Variants in LCN10 observed in about 807,000 individuals in gnomAD.
The protein encoded by LCN10 is lipocalin 10, also known as epididymal-specific lipocalin-10.
Under a neutral mutation model 25.1 loss-of-function variants are expected in LCN10, and 18 were observed. That is an observed-to-expected ratio of 0.72 (90% CI 0.50 to 1.06). The LOEUF (loss-of-function observed/expected upper bound fraction) is 1.06. LCN10 is among the 50% of genes least tolerant of loss of function. The pLI is 0.00. For missense variants in LCN10, 257 were observed against 258.9 expected (o/e 0.99, Z 0.05); for synonymous variants, 130 against 116.7 (o/e 1.11, Z -0.73).
Position 136,740,517 on chromosome 9 carries a change from C to T in LCN10, c.475+319G>A. The T allele has an allele frequency of 2.1e-6, 1 of 472,436 alleles. No homozygotes were observed. The highest frequency in any genetic ancestry group is 3.5e-5 in the East Asian group (1 of 28,982). 29.3% of individuals were successfully genotyped at this position (472,436 alleles called of 1,614,324 possible). The stretch of plus-strand genomic sequence containing the variant: ...GGGCAGACCCTTACCTGGGACCCCT[C>T]CCACGCCTCCTCATCCCCACTGTGT... On this transcript the variant is annotated intron_variant, in intron 4 of 5. Coordinates refer to ENST00000497771, the MANE Select transcript of LCN10 (RefSeq NM_001001712.3). This position sits in a 1 kb window ranked among gnomAD's most constrained non-coding sequence, Gnocchi z 5.3.
In LCN10 at chr9:136,741,491, G is replaced by C. The variant is rs140074954; in HGVS notation, c.258-130C>G. On this transcript the variant is annotated intron_variant, in intron 2 of 5. Transcript: ENST00000497771. ...GGGACCCGGGAAGGTTGGGGCCCCAGGTCCCCAGTTTTTTGCTTCACTATC... is the reference window on the plus strand; with the variant it reads ...GGGACCCGGGAAGGTTGGGGCCCCACGTCCCCAGTTTTTTGCTTCACTATC... 1.5e-3 allele frequency: 1,024 copies of C among 692,654 alleles called. 5 individuals carry two copies. The African/African-American group carries it at 0.017, about 11-fold the overall frequency. 42.9% of individuals were successfully genotyped at this position (692,654 alleles called of 1,614,324 possible). A position where few individuals can be genotyped will look rare whatever the true frequency, so the allele number is the denominator to read the frequency against.
Position 136,740,800 on chromosome 9 carries a change from C to T in LCN10, c.475+36G>A. 1 of 1,557,824 alleles carries T rather than the reference C, an allele frequency of 6.4e-7. No individual in the cohort carries two copies. ...CCCTCTATGCCTCCCTCTGCACCCC[C>T]TCCACCATCCTCTGCCATCCGCTGT... On this transcript the variant is annotated intron_variant, in intron 4 of 5. Coordinates refer to ENST00000497771, the MANE Select transcript of LCN10 (RefSeq NM_001001712.3). This position sits in a 1 kb window ranked among gnomAD's most constrained non-coding sequence, Gnocchi z 5.3.
Position 136,741,372 on chromosome 9 carries a change from G to A in LCN10, c.258-11C>T, listed in dbSNP as rs767743267. On this transcript the variant is annotated splice_polypyrimidine_tract_variant and intron_variant, in intron 2 of 5. Transcript: ENST00000497771. ...TGGCACCCCTTCAACCTGGGGCCAA[G>A]GCGGGGGCTCAGGCTGCAGACCAGG... The A allele has an allele frequency of 5.0e-6, 8 of 1,599,114 alleles. No homozygotes were observed. The South Asian group carries it at 8.8e-5, about 18-fold the overall frequency.
chr9:136,740,155 C>T lies in LCN10; in HGVS notation c.476-107G>A, dbSNP rs1361248087. ...AGGAGCTGCTGAAATGTCCTCAGAG[C>T]TTAGGCGTGAAGCAGGGGTTGGCCA... On this transcript the variant is annotated intron_variant, in intron 4 of 5. Coordinates refer to ENST00000497771, the MANE Select transcript of LCN10 (RefSeq NM_001001712.3). This position sits in a 1 kb window ranked among gnomAD's most constrained non-coding sequence, Gnocchi z 5.3. 1 of 805,334 alleles carries T rather than the reference C, an allele frequency of 1.2e-6. No individual in the cohort carries two copies. Among genetic ancestry groups the T allele is most frequent in the East Asian group, 2.7e-5 (1 of 37,098 alleles). 49.9% of individuals were successfully genotyped at this position (805,334 alleles called of 1,614,324 possible). A position where few individuals can be genotyped will look rare whatever the true frequency, so the allele number is the denominator to read the frequency against.
chr9:136,742,357 C>G (rs1410609619), intron 1 of LCN10: 2 of 397,448 alleles, frequency 5.0e-6, no homozygotes, highest in Admixed American at 8.2e-5. Context: ...TTCCTGCCGG[C>G]CCCCGGCCCC....
Position 136,739,633 on chromosome 9 carries a change from G to T in LCN10, c.575-80C>A, listed in dbSNP as rs1846891423. The T allele has an allele frequency of 2.2e-6, 3 of 1,369,900 alleles. No homozygotes were observed. The highest frequency in any genetic ancestry group is 3.1e-6 in the Non-Finnish European group (3 of 982,220). The allele number at this position is 1,369,900 out of a possible 1,614,324, so 84.9% of individuals were successfully genotyped here. A position where few individuals can be genotyped will look rare whatever the true frequency, so the allele number is the denominator to read the frequency against. On this transcript the variant is annotated intron_variant, in intron 5 of 5. Transcript: ENST00000497771. This position sits in a 1 kb window ranked among gnomAD's most constrained non-coding sequence, Gnocchi z 6.1. ...AGCCGTGAACACGTCTCCCCCGGCC[G>T]CTCCCTGGTTCCATGCGTGCTCGTC...
At chr9:136,741,090 C>G (rs1157812788) in intron 3 of LCN10, 147 bp from the exon 4 acceptor site, 5 of 998,632 alleles carry the variant, frequency 5.0e-6, no homozygotes, top group Non-Finnish European at 7.5e-6. Context: ...GGGGCCTCCC[C>G]TCCCGGGCCA....
Position 136,740,605 on chromosome 9 carries a change from T to C in LCN10, c.475+231A>G. ...CCTGGTGGCCTCCGCTCCCCCTGGATGGCCCACCTTTCTCTGCAGCCTCTT... is the reference window on the plus strand; with the variant it reads ...CCTGGTGGCCTCCGCTCCCCCTGGACGGCCCACCTTTCTCTGCAGCCTCTT... On this transcript the variant is annotated intron_variant, in intron 4 of 5. Coordinates refer to ENST00000497771, the MANE Select transcript of LCN10 (RefSeq NM_001001712.3). This position sits in a 1 kb window ranked among gnomAD's most constrained non-coding sequence, Gnocchi z 5.3. 1.8e-6 allele frequency: 1 copy of C among 551,698 alleles called. No homozygotes were observed. Among genetic ancestry groups the C allele is most frequent in the Non-Finnish European group, 3.2e-6 (1 of 309,974 alleles). The allele number at this position is 551,698 out of a possible 1,614,324, so 34.2% of individuals were successfully genotyped here. A position where few individuals can be genotyped will look rare whatever the true frequency, so the allele number is the denominator to read the frequency against.
rs918757345 is a variant in LCN10, at chr9:136,740,347, C to T, written c.476-299G>A. On this transcript the variant is annotated intron_variant, in intron 4 of 5. Transcript: ENST00000497771. This position sits in a 1 kb window ranked among gnomAD's most constrained non-coding sequence, Gnocchi z 5.3. ...GCTGCACCCTGAGCGTGCCCTGCCT[C>T]GACTGAGACCCCAGGACCCCACCTC... The T allele has an allele frequency of 3.5e-5, 17 of 488,110 alleles. No homozygotes were observed. Among genetic ancestry groups the T allele is most frequent in the African/African-American group, 2.3e-4 (12 of 51,552 alleles). The allele number at this position is 488,110 out of a possible 1,614,324, so 30.2% of individuals were successfully genotyped here. A position where few individuals can be genotyped will look rare whatever the true frequency, so the allele number is the denominator to read the frequency against.
intron 1 of LCN10, chr9:136,742,552 C>T (rs1233061031): frequency 1.0e-5 from 6 of 578,872 alleles, no homozygotes; most frequent in Non-Finnish European, 3.0e-6. Context: ...GCCCCTCCAC[C>T]CTGGCCCTCC....
intron 1 of LCN10, chr9:136,742,295 G>A (rs560804350): frequency 3.7e-5 from 18 of 485,816 alleles, no homozygotes; most frequent in East Asian, 7.3e-5. Flanking sequence ...CAGAGGCCCC[G>A]GCTCCTTCCC....
In LCN10 at chr9:136,740,694, A is replaced by G. The variant is rs1027715715; in HGVS notation, c.475+142T>C. 9.7e-6 allele frequency: 6 copies of G among 616,776 alleles called. No individual in the cohort carries two copies. Among genetic ancestry groups the G allele is most frequent in the Admixed American group, 2.9e-5 (1 of 34,564 alleles). The allele number at this position is 616,776 out of a possible 1,614,324, so 38.2% of individuals were successfully genotyped here. Reference sequence around the variant, plus strand: ...CCTGACTGCTGTGGTCTCGGCTTCCATTGCCCCTGCCCTGACCACCGCCCC... The same window carrying G: ...CCTGACTGCTGTGGTCTCGGCTTCCGTTGCCCCTGCCCTGACCACCGCCCC... On this transcript the variant is annotated intron_variant, in intron 4 of 5. Coordinates refer to ENST00000497771, the MANE Select transcript of LCN10 (RefSeq NM_001001712.3). This position sits in a 1 kb window ranked among gnomAD's most constrained non-coding sequence, Gnocchi z 5.3.
At chr9:136,742,462 G>T (rs1044623445) in intron 1 of LCN10, 65 of 436,982 alleles carry the variant, frequency 1.5e-4, no homozygotes, top group Non-Finnish European at 2.5e-4. Context: ...GGGCCCTCCC[G>T]CTACAGAATA....
chr9:136,739,821 G>T lies in LCN10; in HGVS notation c.574+129C>A. 1 of 909,880 alleles carries T rather than the reference G, an allele frequency of 1.1e-6. No individual in the cohort carries two copies. Among genetic ancestry groups the T allele is most frequent in the Non-Finnish European group, 1.8e-6 (1 of 567,032 alleles). 56.4% of individuals were successfully genotyped at this position (909,880 alleles called of 1,614,324 possible). ...AGGGGCGGCAGGAGGTGGGAGGCAC[G>T]TTTGGGCGGATCTTTCAAATGGCAC... On this transcript the variant is annotated intron_variant, in intron 5 of 5. Coordinates refer to ENST00000497771, the MANE Select transcript of LCN10 (RefSeq NM_001001712.3). This position sits in a 1 kb window ranked among gnomAD's most constrained non-coding sequence, Gnocchi z 6.1.
rs114525382 is a variant in LCN10, at chr9:136,739,538, G to C, written c.590C>G (p.Thr197Ser). The C allele has an allele frequency of 1.2e-6, 2 of 1,600,956 alleles. No homozygotes were observed. The highest frequency in any genetic ancestry group is 1.3e-5 in the African/African-American group (1 of 74,850). Residue 197 changes from threonine (T) to serine (S), a missense_variant, in exon 6 of 6, where the codon ACC becomes AGC. Thr to Ser is a moderately conservative substitution (Grantham distance 58). Transcript: ENST00000497771. This position sits in a 1 kb window ranked among gnomAD's most constrained non-coding sequence, Gnocchi z 6.1. ...ILPKDASRTH[T>S]ILP is the part of the protein sequence containing the mutation. ...GGACGCTGGCTCTCATGGCAGGATG[G>C]TGTGTGTACGGGACGCTGTGGGAGA...
intron 1 of LCN10, chr9:136,742,352 G>A: frequency 2.4e-6 from 1 of 408,876 alleles, no homozygotes; most frequent in African/African-American, 2.0e-5. Context: ...TTCCCTTCCT[G>A]CCGGCCCCCG....
rs989970224 is a variant in LCN10, at chr9:136,740,251, C to A, written c.476-203G>T. ...CAGGCTCGGGAAGCCAGGGTCACCA[C>A]GCTGTCACCTGGGGAACCCTCTCTG... On this transcript the variant is annotated intron_variant, in intron 4 of 5. Coordinates refer to ENST00000497771, the MANE Select transcript of LCN10 (RefSeq NM_001001712.3). The surrounding 1 kb of genome is among the most constrained non-coding windows in gnomAD (Gnocchi z 5.3). The A allele has an allele frequency of 7.6e-5, 45 of 595,648 alleles. No homozygotes were observed. In the East Asian group the frequency reaches 1.3e-3, roughly 17 times the overall value. The allele number at this position is 595,648 out of a possible 1,614,324, so 36.9% of individuals were successfully genotyped here.
Position 136,742,250 on chromosome 9 carries a change from G to T in LCN10, c.118-230C>A. 5.4e-6 allele frequency: 3 copies of T among 551,292 alleles called. No homozygotes were observed. In the South Asian group the frequency reaches 7.2e-5, roughly 13 times the overall value. 34.2% of individuals were successfully genotyped at this position (551,292 alleles called of 1,614,324 possible). A position where few individuals can be genotyped will look rare whatever the true frequency, so the allele number is the denominator to read the frequency against. ...GGGACCCCAGGCAGCAAAGGGCTGG[G>T]CTGTGGGCGCCAGCAGGTGGGAGGC... On this transcript the variant is annotated intron_variant, in intron 1 of 5. Coordinates refer to ENST00000497771, the MANE Select transcript of LCN10 (RefSeq NM_001001712.3).
At chr9:136,741,566 A>G (rs1846936119) in intron 2 of LCN10, 2 of 606,036 alleles carry the variant, frequency 3.3e-6, no homozygotes, top group Non-Finnish European at 5.8e-6. Context: ...TCCAATTCGG[A>G]CTGGGGCCTG....
Sources: gnomAD v4.1 joint callset for allele counts on GRCh38, gnomAD v4.1.1 for gene constraint, Gnocchi (gnomAD v3.1) non-coding constraint, MANE v1.5 for transcripts, NCBI Gene and HGNC (gene_info 2026-07-23, HGNC 2026-07-21) for gene names.